The following FCMR variants were observed in gnomAD, a reference collection of about 807,000 sequenced individuals.
FCMR encodes the protein immunoglobulin mu Fc receptor.
Under a neutral mutation model 41.6 loss-of-function variants are expected in FCMR, and 34 were observed. The observed-to-expected ratio is 0.82, with a 90% CI of 0.62 to 1.09. The LOEUF is 1.09. FCMR is among the 50% of genes least tolerant of loss of function. The pLI is 0.00. For synonymous variants in FCMR, 209 were observed against 211.8 expected (o/e 0.99, Z 0.12); for missense variants, 496 against 512.5 (o/e 0.97, Z 0.31).
chr1:206,919,013 C>T (rs1679318061), intron 1 of FCMR, among the ~76,000 whole-genome samples: 1 of 152,122 alleles, frequency 6.6e-6, no homozygotes, highest in Admixed American at 6.5e-5. Context: ...TTGACTAATG[C>T]ACCCTCCTTG....
Position 206,909,504 on chromosome 1 carries a change from G to T in FCMR, c.1002C>A (p.Pro334=), listed in dbSNP as rs938449927. 1.2e-5 allele frequency: 15 copies of T among 1,284,808 alleles called. No individual in the cohort carries two copies. The highest frequency in any genetic ancestry group is 3.1e-5 in the East Asian group (1 of 31,832). The allele number at this position is 1,284,808 out of a possible 1,614,324, so 79.6% of individuals were successfully genotyped here. Residue 334 remains proline, a synonymous_variant, in exon 7 of 8, where the codon CCC becomes CCA. Transcript: ENST00000367091. The surrounding 1 kb of genome is among the most constrained non-coding windows in gnomAD (Gnocchi z 5.0). ...GADAAGTGEA[P]VPGPGAPLPP... ...GCAACGGCGCTCCGGGGCCGGGAAC[G>T]GGGGCCTCCCCTGTGCCTAGGGAAC...
intron 7 of FCMR, chr1:206,907,508 G>C: frequency 2.3e-6 from 1 of 432,402 alleles, no homozygotes; most frequent in Non-Finnish European, 4.4e-6. Context: ...TATTTGGGGA[G>C]GGGGAAGTAG....
chr1:206,906,186 GC>G, intron 7 of FCMR: 1 of 514,086 alleles, frequency 1.9e-6, no homozygotes, highest in East Asian at 5.7e-5. Flanking sequence ...TCAACCCGAA[GC>G]AAATTAACCA....
At chr1:206,907,772 T>C in intron 7 of FCMR, 3 of 1,267,970 alleles carry the variant, frequency 2.4e-6, no homozygotes, top group Non-Finnish European at 3.5e-6. Flanking sequence ...CAGAAACAAG[T>C]TGAAGTACCT....
rs764899080 is a variant in FCMR at position 206,921,837 on chromosome 1, C to T, written c.18G>A (p.Trp6Ter). The T allele has an allele frequency of 5.0e-6, 8 of 1,614,012 alleles. No individual in the cohort carries two copies. Among genetic ancestry groups the T allele is most frequent in the South Asian group, 1.1e-5 (1 of 91,080 alleles). MDFWL[W>*]PLYFLPVSGA... is the part of the protein sequence containing the mutation. The stretch of plus-strand genomic sequence containing the variant: ...ACTTACCTGGCAGGAAGTAAAGTGG[C>T]CAAAGCCAGAAGTCCATTGTCCCTT... The change falls in exon 1 of 8, where the codon TGG (tryptophan) becomes TGA (stop). Residue 6 changes from tryptophan to a stop codon, truncating the protein, a stop_gained. Transcript: ENST00000367091. LOFTEE classifies it high-confidence loss of function.
At position 206,909,369 on chromosome 1, in the gene FCMR, C is replaced by T. The variant is rs1423767943; in HGVS notation, c.1044+93G>A. ...AAACCCGCTCTCCGGATCGCGGCGG[C>T]GGCGGCGCGGGAAGCCACACTCGGG... On this transcript the variant is annotated intron_variant, in intron 7 of 7. Transcript: ENST00000367091. This position sits in a 1 kb window ranked among gnomAD's most constrained non-coding sequence, Gnocchi z 5.0. The T allele has an allele frequency of 2.9e-6, 2 of 688,046 alleles. No individual in the cohort carries two copies. Among genetic ancestry groups the T allele is most frequent in the Non-Finnish European group, 4.1e-6 (2 of 490,260 alleles). 42.6% of individuals were successfully genotyped at this position (688,046 alleles called of 1,614,324 possible). A position where few individuals can be genotyped will look rare whatever the true frequency, so the allele number is the denominator to read the frequency against.
intron 1 of FCMR, among the ~76,000 whole-genome samples, chr1:206,917,254 A>G (rs576625497): frequency 5.1e-4 from 77 of 152,190 alleles, no homozygotes; most frequent in Non-Finnish European, 9.4e-4. Context: ...TCCAGGTGGA[A>G]GTGCAGATGA....
intron 5 of FCMR, 35 bp downstream of exon 5, chr1:206,910,175 A>T: frequency 3.9e-6 from 6 of 1,547,892 alleles, no homozygotes; most frequent in Non-Finnish European, 5.2e-6. Context: ...CTCTTTGGGC[A>T]GCTCAGCTCT....
intron 1 of FCMR, 49 bp from the exon 2 acceptor site, chr1:206,914,143 TC>T: frequency 7.0e-7 from 1 of 1,436,696 alleles, no homozygotes; most frequent in Non-Finnish European, 9.7e-7. Flanking sequence ...TCTAACTATA[TC>T]CCAGCCCCAT....
chr1:206,915,452 C>A (rs984313354), intron 1 of FCMR, among the ~76,000 whole-genome samples: 6 of 151,996 alleles, frequency 3.9e-5, no homozygotes, highest in Non-Finnish European at 7.4e-5. Context: ...TGTATGTGTG[C>A]ATAGGTGTGC....
Position 206,909,556 on chromosome 1 carries a change from G to T in FCMR, c.986-36C>A. 7.6e-7 allele frequency: 1 copy of T among 1,308,000 alleles called. No individual in the cohort carries two copies. The highest frequency in any genetic ancestry group is 3.1e-5 in the East Asian group (1 of 31,768). 81.0% of individuals were successfully genotyped at this position (1,308,000 alleles called of 1,614,324 possible). On this transcript the variant is annotated intron_variant, in intron 6 of 7. Transcript: ENST00000367091. The surrounding 1 kb of genome is among the most constrained non-coding windows in gnomAD (Gnocchi z 5.0). ...GCGAGGGCGAGGTGAGGCGGCGGCC[G>T]AGGCTCCCGCCCCACCGTCATGCTA...
Position 206,909,540 on chromosome 1 carries a change from A to G in FCMR, c.986-20T>C. The G allele has an allele frequency of 7.5e-7, 1 of 1,327,238 alleles. No individual in the cohort carries two copies. Among genetic ancestry groups the G allele is most frequent in the Non-Finnish European group, 9.6e-7 (1 of 1,041,980 alleles). 82.2% of individuals were successfully genotyped at this position (1,327,238 alleles called of 1,614,324 possible). A position where few individuals can be genotyped will look rare whatever the true frequency, so the allele number is the denominator to read the frequency against. On this transcript the variant is annotated intron_variant, in intron 6 of 7. Coordinates refer to ENST00000367091, the MANE Select transcript of FCMR (RefSeq NM_005449.5). The surrounding 1 kb of genome is among the most constrained non-coding windows in gnomAD (Gnocchi z 5.0). ...CTGTGCCTAGGGAACAGCGAGGGCGAGGTGAGGCGGCGGCCGAGGCTCCCG... is the reference window on the plus strand; with the variant it reads ...CTGTGCCTAGGGAACAGCGAGGGCGGGGTGAGGCGGCGGCCGAGGCTCCCG...
chr1:206,904,297 CT>C lies in FCMR; in HGVS notation c.*721del, dbSNP rs60728346. ...GCTATGGAAGAAAGATAAAGAGATA[CT>C]TTTTTTTTTTTTTTTTTAGAGGGGA... is the stretch of plus-strand genomic sequence containing the variant. On this transcript the variant is annotated 3_prime_UTR_variant, in exon 8 of 8. Transcript: ENST00000367091. 4,751 of 138,008 alleles carry C rather than the reference CT, an allele frequency of 0.034. 225 individuals are homozygous for C. The highest frequency in any genetic ancestry group is 0.11 in the African/African-American group (4,000 of 37,162). 8.5% of individuals were successfully genotyped at this position (138,008 alleles called of 1,614,324 possible).
chr1:206,910,260 A>T lies in FCMR; in HGVS notation c.791T>A (p.Leu264Gln). 6.3e-7 allele frequency: 1 copy of T among 1,590,026 alleles called. No homozygotes were observed. Among genetic ancestry groups the T allele is most frequent in the South Asian group, 1.2e-5 (1 of 86,576 alleles). ...CACCACCAGCCCCAGAAGTGCCAGC[A>T]GGAAAAGGCCCAGGATGGTCGGGAT... ...ILIPTILGLF[L>Q]LALLGLVVKR... Residue 264 changes from leucine (L) to glutamine (Q), a missense_variant, in exon 5 of 8, where the codon CTG (leucine) becomes CAG (glutamine). Transcript: ENST00000367091.
At chr1:206,922,091 T>C (rs1679462915), upstream of FCMR, 1 of 578,298 alleles carries the variant, frequency 1.7e-6, no homozygotes, top group Admixed American at 3.1e-5. Context: ...ACATGTTGTG[T>C]GGAGTAAGAA....
In FCMR at chr1:206,909,572, C is replaced by T. The variant is rs554628219; in HGVS notation, c.986-52G>A. ...GCGGCGGCCGAGGCTCCCGCCCCAC[C>T]GTCATGCTACTACTCCCAGCTCCAC... On this transcript the variant is annotated intron_variant, in intron 6 of 7. Coordinates refer to ENST00000367091, the MANE Select transcript of FCMR (RefSeq NM_005449.5). This position sits in a 1 kb window ranked among gnomAD's most constrained non-coding sequence, Gnocchi z 5.0. 79 of 1,282,484 alleles carry T rather than the reference C, an allele frequency of 6.2e-5. No individual in the cohort carries two copies. The South Asian group carries it at 1.5e-3, about 25-fold the overall frequency. The allele number at this position is 1,282,484 out of a possible 1,614,324, so 79.4% of individuals were successfully genotyped here.
intron 7 of FCMR, among the ~76,000 whole-genome samples, chr1:206,906,557 C>T (rs1469707753): frequency 6.6e-6 from 1 of 152,168 alleles, no homozygotes; most frequent in East Asian, 1.9e-4. Flanking sequence ...TTGTCTTTCA[C>T]TGCCTGTTAT....
chr1:206,914,114 A>T lies in FCMR; in HGVS notation c.38-20T>A. The T allele has an allele frequency of 6.4e-7, 1 of 1,566,492 alleles. No individual in the cohort carries two copies. Among genetic ancestry groups the T allele is most frequent in the East Asian group, 2.2e-5 (1 of 44,580 alleles). The stretch of plus-strand genomic sequence containing the variant: ...CCGATACTGCAGGGAGAGGAGATTA[A>T]TGCAGAGGGAGCCCCATCTCTAACT... On this transcript the variant is annotated intron_variant, in intron 1 of 7. Transcript: ENST00000367091.
intron 5 of FCMR, 170 bp downstream of exon 5, chr1:206,910,040 G>A: frequency 9.0e-7 from 1 of 1,110,264 alleles, no homozygotes; most frequent in South Asian, 1.8e-5. Flanking sequence ...AGACCAAAGG[G>A]CCCAGGCCGC....
Sources: gnomAD v4.1 joint callset for allele counts (sites outside exome capture counted in the v4.1 genomes callset) on GRCh38, gnomAD v4.1.1 for gene constraint, Gnocchi (gnomAD v3.1) non-coding constraint, MANE v1.5 for transcripts, NCBI Gene and HGNC (gene_info 2026-07-23, HGNC 2026-07-21) for gene names.